Variants in MRLN observed in about 807,000 individuals in gnomAD.
MRLN encodes Linc-RNA activator of myogenesis.
intron 1 of MRLN, among the ~76,000 whole-genome samples, chr10:59,750,168 G>A (rs1841086921): frequency 7.0e-6 from 1 of 141,856 alleles, no homozygotes; most frequent in South Asian, 2.3e-4. Flanking sequence ...CGCCTCCTGG[G>A]TTTAAGTAAT....
chr10:59,744,061 T>C, intron 1 of MRLN: 1 of 175,300 alleles, frequency 5.7e-6, no homozygotes, highest in South Asian at 1.6e-4. Flanking sequence ...AGTGCCGAGA[T>C]TGCAGCCTCT....
chr10:59,748,560 T>A (rs1483639344), intron 1 of MRLN, among the ~76,000 whole-genome samples: 1 of 152,222 alleles, frequency 6.6e-6, no homozygotes, highest in East Asian at 1.9e-4. Context: ...TCAGGTCAAT[T>A]ATTCTCTTTC....
At chr10:59,750,531 T>C (rs1348486916) in intron 1 of MRLN, among the ~76,000 whole-genome samples, 2 of 152,246 alleles carry the variant, frequency 1.3e-5, no homozygotes, top group East Asian at 1.9e-4. Context: ...ATCAGGACTC[T>C]TGAAGGTTAA....
At position 59,736,823 on chromosome 10, in the gene MRLN, T is replaced by C. The variant is rs1840929707; in HGVS notation, c.*237A>G. ...CCACACCTGGCTAAAAATCTAGAAG[T>C]TTCATGACTCAGTAGGATAGATGTT... On this transcript the variant is annotated 3_prime_UTR_variant, in exon 3 of 3. Transcript: ENST00000414264. The C allele has an allele frequency of 5.0e-6, 1 of 200,626 alleles. No individual in the cohort carries two copies. Among genetic ancestry groups the C allele is most frequent in the African/African-American group, 2.3e-5 (1 of 43,760 alleles). The allele number at this position is 200,626 out of a possible 1,614,324, so 12.4% of individuals were successfully genotyped here.
At chr10:59,738,784 C>G (rs572804093) in intron 1 of MRLN, 2 of 152,258 alleles carry the variant, frequency 1.3e-5, no homozygotes, top group South Asian at 4.1e-4. Flanking sequence ...AAGCTAAATT[C>G]TAGGATTTTC....
intron 1 of MRLN, among the ~76,000 whole-genome samples, chr10:59,743,076 T>C (rs1196002256): frequency 1.3e-5 from 2 of 152,272 alleles, no homozygotes; most frequent in African/African-American, 4.8e-5. Context: ...ATTAAAATAC[T>C]AAACAAAATA....
At chr10:59,750,832 G>C (rs1347767736) in intron 1 of MRLN, among the ~76,000 whole-genome samples, 1 of 152,246 alleles carries the variant, frequency 6.6e-6, no homozygotes, top group Non-Finnish European at 1.5e-5. Context: ...TGTCCTTTGA[G>C]TGGTGCGAGG....
chr10:59,750,669 A>C (rs948679374), intron 1 of MRLN, among the ~76,000 whole-genome samples: 2 of 152,242 alleles, frequency 1.3e-5, no homozygotes, highest in African/African-American at 4.8e-5. Context: ...AAATGTTATC[A>C]ACCTTCTCCC....
At chr10:59,749,962 A>T (rs922348140) in intron 1 of MRLN, among the ~76,000 whole-genome samples, 1 of 145,140 alleles carries the variant, frequency 6.9e-6, no homozygotes, top group Non-Finnish European at 1.5e-5. Context: ...CCATCTGATC[A>T]CCCACCCGCC....
chr10:59,747,256 C>T (rs10993988), intron 1 of MRLN, among the ~76,000 whole-genome samples: 30,068 of 152,108 alleles, frequency 0.2, 3,503 homozygotes, highest in Middle Eastern at 0.31. Context: ...AATAAGAATG[C>T]TGCCAAGACA....
chr10:59,751,166 G>C (rs1192159821), intron 1 of MRLN, among the ~76,000 whole-genome samples: 1 of 152,188 alleles, frequency 6.6e-6, no homozygotes, highest in Non-Finnish European at 1.5e-5. Context: ...AAGTTTAGCT[G>C]AAAATAGATG....
rs140987653 is a variant in MRLN, at chr10:59,736,946, G to A, written c.*114C>T. The A allele has an allele frequency of 2.7e-6, 1 of 374,904 alleles. No homozygotes were observed. Among genetic ancestry groups the A allele is most frequent in the East Asian group, 3.7e-5 (1 of 26,902 alleles). 23.2% of individuals were successfully genotyped at this position (374,904 alleles called of 1,614,324 possible). A position where few individuals can be genotyped will look rare whatever the true frequency, so the allele number is the denominator to read the frequency against. On this transcript the variant is annotated 3_prime_UTR_variant, in exon 3 of 3. Transcript: ENST00000414264. ...TTGTTTGTATTGCAGTGTCCTGTTGGCTTCTAGAATAAATTGGCAATGTCA... is the reference window on the plus strand; with the variant it reads ...TTGTTTGTATTGCAGTGTCCTGTTGACTTCTAGAATAAATTGGCAATGTCA...
At chr10:59,739,975 C>T (rs750636637) in intron 1 of MRLN, among the ~76,000 whole-genome samples, 1 of 152,030 alleles carries the variant, frequency 6.6e-6, no homozygotes, top group African/African-American at 2.4e-5. Flanking sequence ...GCCTGTAATC[C>T]CAGCTACTTG....
At chr10:59,749,746 A>G (rs1189859905) in intron 1 of MRLN, among the ~76,000 whole-genome samples, 1 of 152,140 alleles carries the variant, frequency 6.6e-6, no homozygotes, top group African/African-American at 2.4e-5. Context: ...CCTGACACTC[A>G]ATAAATAGTG....
intron 2 of MRLN, 55 bp from the exon 3 acceptor site, chr10:59,737,275 T>G (rs1000340176): frequency 5.2e-6 from 2 of 385,956 alleles, no homozygotes; most frequent in Non-Finnish European, 9.2e-6. Flanking sequence ...TACTGATTCT[T>G]TCAACTCAAT....
At chr10:59,743,663 G>T (rs997388837) in intron 1 of MRLN, among the ~76,000 whole-genome samples, 1 of 152,004 alleles carries the variant, frequency 6.6e-6, no homozygotes, top group African/African-American at 2.4e-5. Context: ...ATCATGGGTC[G>T]TTCCCCCTCC....
At chr10:59,742,690 C>T (rs1840997151) in intron 1 of MRLN, among the ~76,000 whole-genome samples, 1 of 150,868 alleles carries the variant, frequency 6.6e-6, no homozygotes. Flanking sequence ...CCTTCCTTCC[C>T]TTTCTTTTCC....
At chr10:59,738,644 A>G (rs969437557) in intron 1 of MRLN, 82 bp from the exon 2 acceptor site, 1 of 152,102 alleles carries the variant, frequency 6.6e-6, no homozygotes, top group African/African-American at 2.4e-5. Context: ...ACACAGAAAA[A>G]CTTCTAAAAT....
At chr10:59,752,675 C>T (rs1485328874) in intron 1 of MRLN, among the ~76,000 whole-genome samples, 1 of 152,160 alleles carries the variant, frequency 6.6e-6, no homozygotes, top group African/African-American at 2.4e-5. Flanking sequence ...AGGTTTTAAC[C>T]CTGCTCAAGA....
Sources: gnomAD v4.1 joint callset for allele counts (sites outside exome capture counted in the v4.1 genomes callset) on GRCh38, gnomAD v4.1.1 for gene constraint, MANE v1.5 for transcripts, NCBI Gene and HGNC (gene_info 2026-07-23, HGNC 2026-07-21) for gene names.